The following RPL13A variants were observed in gnomAD, a reference collection of about 807,000 sequenced individuals.
The protein encoded by RPL13A is ribosomal protein L13a, also known as large ribosomal subunit protein uL13.
RPL13A carries 4 observed loss-of-function variants against 30.8 expected under a neutral mutation model. That is an observed-to-expected ratio of 0.13 (90% CI 0.06 to 0.30). The LOEUF (loss-of-function observed/expected upper bound fraction) is 0.30, where lower values mean the gene tolerates loss of function less well. Ranked by LOEUF, RPL13A falls within the 10% of genes least tolerant of loss-of-function variation. RPL13A has a pLI of 1.00. For synonymous variants in RPL13A, 108 were observed against 104.2 expected (o/e 1.04, Z -0.22); for missense variants, 196 against 272.6 (o/e 0.72, Z 1.98).
chr19:49,487,857 G>C (rs1003498231), intron 1 of RPL13A, among the ~76,000 whole-genome samples: 1 of 152,206 alleles, frequency 6.6e-6, no homozygotes, highest in African/African-American at 2.4e-5. Context: ...TTCTCGAGGC[G>C]AGGGTGATAG....
At position 49,491,747 on chromosome 19, in the gene RPL13A, G is replaced by C. The variant is rs928388218; in HGVS notation, c.544G>C (p.Glu182Gln). Residue 182 changes from glutamate to glutamine, a missense_variant, in exon 8 of 8, where the codon GAG becomes CAG. Physicochemically the swap from Glu to Gln is conservative, Grantham distance 29. Coordinates refer to ENST00000391857, the MANE Select transcript of RPL13A (RefSeq NM_012423.4). ...KQLMRLRKQA[E>Q]KNVEKKIDKY... ...TTGGCAGAGGCTACGGAAACAGGCC[G>C]AGAAGAACGTGGAGAAGAAAATTGA... 11 of 1,613,368 alleles carry C rather than the reference G, an allele frequency of 6.8e-6. No homozygotes were observed. Among genetic ancestry groups the C allele is most frequent in the Non-Finnish European group, 9.3e-6 (11 of 1,179,800 alleles).
chr19:49,491,274 C>G (rs758645540), intron 6 of RPL13A, 151 bp from the exon 7 acceptor site: 16 of 1,168,700 alleles, frequency 1.4e-5, no homozygotes, highest in Non-Finnish European at 1.9e-5. Context: ...TGGGTGGGTG[C>G]TTTTCTAACA....
At chr19:49,491,402 A>AGCCCCC in intron 6 of RPL13A, 23 bp from the exon 7 acceptor site, 3 of 236,630 alleles carry the variant, frequency 1.3e-5, no homozygotes, top group South Asian at 7.0e-5. Context: ...TCATTTGTTC[A>AGCCCCC]CCCCCCCCCC....
intron 1 of RPL13A, among the ~76,000 whole-genome samples, chr19:49,489,015 A>C (rs1191211142): frequency 6.6e-6 from 1 of 152,000 alleles, no homozygotes; most frequent in Admixed American, 6.6e-5. Flanking sequence ...CAGGATTTCT[A>C]CTCCGGAGGA....
rs751267813 is a variant in RPL13A, at chr19:49,487,654, C to G, written c.15+10C>G. On this transcript the variant is annotated intron_variant, in intron 1 of 7. Coordinates refer to ENST00000391857, the MANE Select transcript of RPL13A (RefSeq NM_012423.4). ...GATGGCGGAGGTGCAGGTATGGGCT[C>G]CGCGCGGGCCGGGGCGGCAAGGGGC... The G allele has an allele frequency of 2.6e-6, 4 of 1,541,958 alleles. No homozygotes were observed. The South Asian group carries it at 3.6e-5, about 14-fold the overall frequency.
At chr19:49,489,209 C>A (rs1465178953) in intron 1 of RPL13A, among the ~76,000 whole-genome samples, 2 of 152,166 alleles carry the variant, frequency 1.3e-5, no homozygotes, top group Non-Finnish European at 2.9e-5. Flanking sequence ...TAACATCCTA[C>A]AATTGATTGG....
chr19:49,491,402 A>AGCCCC, intron 6 of RPL13A, 23 bp from the exon 7 acceptor site: 2 of 236,630 alleles, frequency 8.5e-6, no homozygotes, highest in South Asian at 7.0e-5. Flanking sequence ...TCATTTGTTC[A>AGCCCC]CCCCCCCCCC....
chr19:49,491,845 G>A lies in RPL13A; in HGVS notation c.*30G>A, dbSNP rs375045303. 3.8e-5 allele frequency: 58 copies of A among 1,536,534 alleles called. No individual in the cohort carries two copies. The African/African-American group carries it at 4.2e-4, about 11-fold the overall frequency. ...AATAAAGACTGTTAATTCCTCATGCGTTGCCTGCCCTTCCTCCATTGTTGC... is the reference window on the plus strand; with the variant it reads ...AATAAAGACTGTTAATTCCTCATGCATTGCCTGCCCTTCCTCCATTGTTGC... On this transcript the variant is annotated 3_prime_UTR_variant, in exon 8 of 8. Coordinates refer to ENST00000391857, the MANE Select transcript of RPL13A (RefSeq NM_012423.4).
At position 49,487,661 on chromosome 19, in the gene RPL13A, G is replaced by T; in HGVS notation, c.15+17G>T. 6.5e-7 allele frequency: 1 copy of T among 1,528,446 alleles called. No individual in the cohort carries two copies. The highest frequency in any genetic ancestry group is 2.5e-5 in the East Asian group (1 of 39,740). 94.7% of individuals were successfully genotyped at this position (1,528,446 alleles called of 1,614,324 possible). A position where few individuals can be genotyped will look rare whatever the true frequency, so the allele number is the denominator to read the frequency against. On this transcript the variant is annotated intron_variant, in intron 1 of 7. Transcript: ENST00000391857. ...GAGGTGCAGGTATGGGCTCCGCGCG[G>T]GCCGGGGCGGCAAGGGGCCGGGTGG...
At chr19:49,487,715 C>T (rs1163687243) in intron 1 of RPL13A, 71 bp downstream of exon 1, 8 of 1,412,782 alleles carry the variant, frequency 5.7e-6, no homozygotes, top group Non-Finnish European at 5.6e-6. Context: ...GTCGCACCCT[C>T]TCTGTCTTGC....
intron 1 of RPL13A, among the ~76,000 whole-genome samples, chr19:49,489,148 T>C (rs1273265436): frequency 6.6e-6 from 1 of 152,188 alleles, no homozygotes; most frequent in Non-Finnish European, 1.5e-5. Context: ...TTCTTCCAAA[T>C]TAAATTTGTG....
At position 49,487,935 on chromosome 19, in the gene RPL13A, G is replaced by A. The variant is rs117964836; in HGVS notation, c.15+291G>A. Reference sequence around the variant, plus strand: ...TACCTTGAACTCGGGTAGTGGGTGGGGGCCCTGGGGTAGAGTCTTGGCCGA... The same window carrying A: ...TACCTTGAACTCGGGTAGTGGGTGGAGGCCCTGGGGTAGAGTCTTGGCCGA... On this transcript the variant is annotated intron_variant, in intron 1 of 7. Transcript: ENST00000391857. Among the ~76,000 whole-genome samples, 79 of 152,194 alleles carry A rather than the reference G, an allele frequency of 5.2e-4. No homozygotes were observed. In the East Asian group the frequency reaches 0.01, roughly 20 times the overall value.
In RPL13A at chr19:49,490,901, C is replaced by T. The variant is rs745617947; in HGVS notation, c.342+37C>T. On this transcript the variant is annotated intron_variant, in intron 5 of 7. Transcript: ENST00000391857. ...CAAACCCCACAGGCAGCGGCCTTAC[C>T]TGTGGCGTCCATGATGTTCCGCAAC... 12 of 1,611,886 alleles carry T rather than the reference C, an allele frequency of 7.4e-6. No individual in the cohort carries two copies. In the South Asian group the frequency reaches 1.1e-4, roughly 15 times the overall value.
intron 3 of RPL13A, 23 bp from the exon 4 acceptor site, chr19:49,490,452 C>A (rs764811474): frequency 6.8e-6 from 11 of 1,611,586 alleles, no homozygotes; most frequent in Non-Finnish European, 9.3e-6. Context: ...CTGGGCAGGC[C>A]TCACACTCTC....
chr19:49,488,333 C>T (rs965960999), intron 1 of RPL13A, among the ~76,000 whole-genome samples: 7 of 152,134 alleles, frequency 4.6e-5, no homozygotes, highest in African/African-American at 9.7e-5. Context: ...CTTTCCCTGG[C>T]TCCTGGTGTA....
chr19:49,489,653 C>G (rs924922974), intron 1 of RPL13A, among the ~76,000 whole-genome samples, 197 bp from the exon 2 acceptor site: 1 of 152,258 alleles, frequency 6.6e-6, no homozygotes, highest in Non-Finnish European at 1.5e-5. Flanking sequence ...TGCTCACTCA[C>G]TGATCCTGAG....
At chr19:49,487,744 C>A in intron 1 of RPL13A, 100 bp downstream of exon 1, 1 of 1,271,856 alleles carries the variant, frequency 7.9e-7, no homozygotes, top group Non-Finnish European at 1.0e-6. Flanking sequence ...CGGAGCTTAA[C>A]ATCCATAATG....
intron 1 of RPL13A, among the ~76,000 whole-genome samples, chr19:49,488,932 C>G (rs1283576382): frequency 6.6e-6 from 1 of 151,978 alleles, no homozygotes; most frequent in East Asian, 1.9e-4. Context: ...TCTCGAACTC[C>G]TGACCTCAAC....
At position 49,487,642 on chromosome 19, in the gene RPL13A, C is replaced by G. The variant is rs970716121; in HGVS notation, c.13C>G (p.Gln5Glu). MAEV[Q>E]VLVLDGRGHL... ...GCGGCTGCCGAAGATGGCGGAGGTGCAGGTATGGGCTCCGCGCGGGCCGGG... is the reference window on the plus strand; with the variant it reads ...GCGGCTGCCGAAGATGGCGGAGGTGGAGGTATGGGCTCCGCGCGGGCCGGG... Residue 5 changes from glutamine to glutamate, a missense_variant and splice_region_variant, in exon 1 of 8, where the codon CAG (glutamine) becomes GAG (glutamate). Coordinates refer to ENST00000391857, the MANE Select transcript of RPL13A (RefSeq NM_012423.4). 3 of 1,563,110 alleles carry G rather than the reference C, an allele frequency of 1.9e-6. No individual in the cohort carries two copies. Among genetic ancestry groups the G allele is most frequent in the Non-Finnish European group, 2.6e-6 (3 of 1,156,236 alleles).
Sources: gnomAD v4.1 joint callset for allele counts (sites outside exome capture counted in the v4.1 genomes callset) on GRCh38, gnomAD v4.1.1 for gene constraint, MANE v1.5 for transcripts, NCBI Gene and HGNC (gene_info 2026-07-23, HGNC 2026-07-21) for gene names.